Variants in USP1 observed in about 807,000 individuals in gnomAD.
The protein encoded by USP1 is ubiquitin carboxyl-terminal hydrolase 1.
In USP1, 18 loss-of-function variants were observed where a neutral mutation model predicts 72.2. The observed-to-expected ratio is 0.25, with a 90% CI of 0.17 to 0.37. The LOEUF (loss-of-function observed/expected upper bound fraction) is 0.37, where lower values mean the gene tolerates loss of function less well. Ranked by LOEUF, USP1 falls within the 10% of genes least tolerant of loss-of-function variation. The probability of loss-of-function intolerance (pLI) is 1.00; values close to 1 mark genes in which losing one functional copy is unlikely to be tolerated. For missense variants in USP1, 759 were observed against 884.9 expected (o/e 0.86, Z 1.81); for synonymous variants, 354 against 303.7 (o/e 1.17, Z -1.72).
At chr1:62,443,503 G>A (rs968295299) in intron 5 of USP1, among the ~76,000 whole-genome samples, 184 bp downstream of exon 5, 2 of 152,098 alleles carry the variant, frequency 1.3e-5, no homozygotes, top group Non-Finnish European at 2.9e-5. Context: ...TGCTAAATTC[G>A]TTAGATCTGA....
intron 1 of USP1, among the ~76,000 whole-genome samples, chr1:62,437,873 G>A (rs1227956071): frequency 6.6e-6 from 1 of 152,228 alleles, no homozygotes; most frequent in Non-Finnish European, 1.5e-5. Flanking sequence ...TGGCGAAGAT[G>A]TCCTTGTAGA....
intron 3 of USP1, among the ~76,000 whole-genome samples, chr1:62,441,894 T>G (rs1022064014): frequency 6.6e-6 from 1 of 152,212 alleles, no homozygotes; most frequent in Non-Finnish European, 1.5e-5. Flanking sequence ...CAGTGTGATA[T>G]ATGTCTTATC....
rs774334645 is a variant in USP1 at position 62,445,023 on chromosome 1, G to C, written c.843G>C (p.Lys281Asn). The C allele has an allele frequency of 6.2e-7, 1 of 1,612,464 alleles. No homozygotes were observed. The highest frequency in any genetic ancestry group is 8.5e-7 in the Non-Finnish European group (1 of 1,179,616). ...GTGACACTGAATTTGGTAACATGAA[G>C]AAAAAAGTTAAATTATCCAAGGAAC... ...RKSDTEFGNM[K>N]KKVKLSKEHQ... The change falls in exon 6 of 9, where the codon AAG becomes AAC. Residue 281 changes from lysine to asparagine, a missense_variant. Lys to Asn is a moderately conservative substitution (Grantham distance 94). Coordinates refer to ENST00000339950, the MANE Select transcript of USP1 (RefSeq NM_003368.5).
rs1645207400 is a variant in USP1 at position 62,450,534 on chromosome 1, G to A, written c.1911G>A (p.Glu637=). The A allele has an allele frequency of 6.2e-7, 1 of 1,613,744 alleles. No individual in the cohort carries two copies. Among genetic ancestry groups the A allele is most frequent in the Non-Finnish European group, 8.5e-7 (1 of 1,180,022 alleles). The part of the protein sequence containing the change: ...LNEEEARGVV[E]NYNDEEVSIR... ...AGGAGGAAGCAAGGGGTGTGGTTGA[G>A]AATTATAATGATGAAGAAGTGTCAA... The change falls in exon 9 of 9, where the codon GAG becomes GAA. Residue 637 remains glutamate (E), a synonymous_variant. Transcript: ENST00000339950.
chr1:62,450,539 A>G lies in USP1; in HGVS notation c.1916A>G (p.Tyr639Cys), dbSNP rs1188795044. Residue 639 changes from tyrosine to cysteine, a missense_variant, in exon 9 of 9, where the codon TAT becomes TGT. Physicochemically the swap from Tyr to Cys is radical, Grantham distance 194. Transcript: ENST00000339950. ...EEEARGVVEN[Y>C]NDEEVSIRVG... ...GAAGCAAGGGGTGTGGTTGAGAATT[A>G]TAATGATGAAGAAGTGTCAATTAGA... 6.2e-6 allele frequency: 10 copies of G among 1,613,986 alleles called. No individual in the cohort carries two copies. Among genetic ancestry groups the G allele is most frequent in the East Asian group, 2.2e-5 (1 of 44,876 alleles).
chr1:62,441,013 T>A (rs1019833439), intron 2 of USP1, among the ~76,000 whole-genome samples: 4 of 146,312 alleles, frequency 2.7e-5, no homozygotes, highest in South Asian at 4.2e-4. Flanking sequence ...AGCTACATAT[T>A]TTTTTTTTTT....
chr1:62,445,007 A>G lies in USP1; in HGVS notation c.827A>G (p.Glu276Gly). 5 of 1,613,502 alleles carry G rather than the reference A, an allele frequency of 3.1e-6. No homozygotes were observed. Among genetic ancestry groups the G allele is most frequent in the Non-Finnish European group, 4.2e-6 (5 of 1,179,852 alleles). Residue 276 changes from glutamate (E) to glycine (G), a missense_variant, in exon 6 of 9, where the codon GAA becomes GGA. Glu to Gly is a moderately conservative substitution (Grantham distance 98, BLOSUM62 -2). Around this residue, in one of 9 missense-constraint regions of USP1, gnomAD observed 245 missense variants for 240.7 expected, o/e 1.02. Coordinates refer to ENST00000339950, the MANE Select transcript of USP1 (RefSeq NM_003368.5). ...AATGGGAAAAGAAAAAGTGACACTGAATTTGGTAACATGAAGAAAAAAGTT... is the reference window on the plus strand; with the variant it reads ...AATGGGAAAAGAAAAAGTGACACTGGATTTGGTAACATGAAGAAAAAAGTT... Reference protein sequence around the residue: ...KGNGKRKSDTEFGNMKKKVKL... With the variant: ...KGNGKRKSDTGFGNMKKKVKL...
chr1:62,437,305 C>T lies in USP1; in HGVS notation c.-165C>T. The T allele has an allele frequency of 2.5e-6, 1 of 396,540 alleles. No homozygotes were observed. The highest frequency in any genetic ancestry group is 4.4e-6 in the Non-Finnish European group (1 of 225,206). The allele number at this position is 396,540 out of a possible 1,614,324, so 24.6% of individuals were successfully genotyped here. ...GATTTTCCTGGGGCCGGGGACCCGG[C>T]GGGCTCGGGGCAGGGACTCACCTGT... On this transcript the variant is annotated 5_prime_UTR_variant, in exon 1 of 9. Transcript: ENST00000339950.
chr1:62,443,098 A>G, intron 4 of USP1, 61 bp from the exon 5 acceptor site: 8 of 1,535,238 alleles, frequency 5.2e-6, no homozygotes, highest in Non-Finnish European at 7.0e-6. Context: ...GACAAAGACA[A>G]AGGGGGAAGG....
At chr1:62,436,731 A>T (rs1324479577), upstream of USP1, 1 of 167,032 alleles carries the variant, frequency 6.0e-6, no homozygotes, top group African/African-American at 2.4e-5. Context: ...ACGAATGGTT[A>T]AAAAAAGGGT....
intron 3 of USP1, 37 bp from the exon 4 acceptor site, chr1:62,442,158 G>A: frequency 7.4e-7 from 1 of 1,355,746 alleles, no homozygotes; most frequent in South Asian, 1.3e-5. Context: ...TGTATTGTTT[G>A]TTCAGTAAAC....
chr1:62,442,129 T>A (rs1227932325), intron 3 of USP1, 66 bp from the exon 4 acceptor site: 7 of 1,093,982 alleles, frequency 6.4e-6, no homozygotes, highest in South Asian at 1.4e-5. Context: ...AAGCATGATG[T>A]TGTTTTAATG....
chr1:62,447,541 A>G (rs751402480), intron 7 of USP1, 30 bp downstream of exon 7: 2 of 1,585,556 alleles, frequency 1.3e-6, no homozygotes, highest in South Asian at 2.3e-5. Context: ...TGTGTGGACC[A>G]TGATGGAATA....
chr1:62,440,954 C>G (rs1330908953), intron 2 of USP1, among the ~76,000 whole-genome samples: 1 of 151,886 alleles, frequency 6.6e-6, no homozygotes, highest in African/African-American at 2.4e-5. Context: ...AATTACATGT[C>G]AATGCCCCCA....
chr1:62,449,585 T>C (rs1645199354), intron 8 of USP1, among the ~76,000 whole-genome samples: 1 of 152,182 alleles, frequency 6.6e-6, no homozygotes, highest in East Asian at 1.9e-4. Context: ...TTATTTACTT[T>C]CCCAAATTTT....
rs646179 is a variant in USP1, at chr1:62,437,203, A to G, written c.-267A>G. 0.6 allele frequency: 240,205 copies of G among 398,452 alleles called. 74,480 individuals are homozygous for G. The highest frequency in any genetic ancestry group is 0.82 in the African/African-American group (40,033 of 48,710). The allele number at this position is 398,452 out of a possible 1,614,324, so 24.7% of individuals were successfully genotyped here. On this transcript the variant is annotated 5_prime_UTR_variant, in exon 1 of 9. Transcript: ENST00000339950. ...GGGATGTAGTTGGTGTTGGTGCAAG[A>G]CGGGAGCGAGCGGCGGTCGGGGTTC... is the stretch of plus-strand genomic sequence containing the variant.
chr1:62,443,084 G>A (rs1645144688), intron 4 of USP1, 75 bp from the exon 5 acceptor site: 1 of 1,472,044 alleles, frequency 6.8e-7, no homozygotes, highest in Non-Finnish European at 9.2e-7. Flanking sequence ...GTATTCTTAA[G>A]TGAGACAAAG....
At position 62,445,439 on chromosome 1, in the gene USP1, A is replaced by G. The variant is rs781397546; in HGVS notation, c.1249+10A>G. ...AAACCCATAAACAAAGGTTAGTATA[A>G]TTCTTAGACTTTGATAGGTAGAAGC... On this transcript the variant is annotated intron_variant, in intron 6 of 8. Coordinates refer to ENST00000339950, the MANE Select transcript of USP1 (RefSeq NM_003368.5). The G allele has an allele frequency of 6.6e-7, 1 of 1,514,384 alleles. No individual in the cohort carries two copies. Among genetic ancestry groups the G allele is most frequent in the Non-Finnish European group, 8.8e-7 (1 of 1,135,944 alleles). The allele number at this position is 1,514,384 out of a possible 1,614,324, so 93.8% of individuals were successfully genotyped here.
intron 6 of USP1, among the ~76,000 whole-genome samples, chr1:62,445,789 G>C (rs943928119): frequency 6.6e-6 from 1 of 152,100 alleles, no homozygotes; most frequent in Non-Finnish European, 1.5e-5. Flanking sequence ...GAGCAGCCTG[G>C]TCAACATGGT....
Sources: allele counts gnomAD v4.1 joint callset (sites outside exome capture counted in the v4.1 genomes callset), GRCh38; gene constraint gnomAD v4.1.1; regional missense constraint gnomAD v4.1.1; transcripts MANE v1.5; gene names NCBI Gene and HGNC (gene_info 2026-07-23, HGNC 2026-07-21).